Variants in ARHGAP26 observed in about 807,000 individuals in gnomAD.
The protein encoded by ARHGAP26 is Rho GTPase activating protein 26.
Under a neutral mutation model 104.8 loss-of-function variants are expected in ARHGAP26, and 38 were observed. The ratio of observed to expected loss-of-function variants is 0.36; its 90% CI spans 0.28 to 0.48. The LOEUF (loss-of-function observed/expected upper bound fraction) is 0.48. Among genes scored for constraint, ARHGAP26 ranks in the 20% least tolerant of loss-of-function variants. ARHGAP26 has a pLI of 0.99. For missense variants in ARHGAP26, 704 were observed against 947.9 expected (o/e 0.74, Z 3.38); for synonymous variants, 341 against 340.0 (o/e 1.00, Z -0.03).
rs558898279 is a variant in ARHGAP26, at chr5:142,838,194, G to A, written c.155-35206G>A. Among the ~76,000 whole-genome samples the A allele has an allele frequency of 2.0e-5, 3 of 152,036 alleles. No individual in the cohort carries two copies. In the South Asian group the frequency reaches 6.2e-4, roughly 32 times the overall value. The stretch of plus-strand genomic sequence containing the variant: ...AATTGCTTGAACCCAGGAGGCAAAG[G>A]TTGCAGTGAGCTGAGATCCCACCAC... On this transcript the variant is annotated intron_variant, in intron 1 of 22. Transcript: ENST00000645722.
At chr5:142,873,319 A>T in intron 1 of ARHGAP26, 81 bp from the exon 2 acceptor site, 1 of 1,005,538 alleles carries the variant, frequency 9.9e-7, no homozygotes. Flanking sequence ...AGATATTCCT[A>T]GAAGGACCAA....
chr5:143,037,287 G>A, intron 13 of ARHGAP26, 26 bp downstream of exon 13: 1 of 1,564,488 alleles, frequency 6.4e-7, no homozygotes, highest in Non-Finnish European at 8.7e-7. Context: ...AGATGGCATT[G>A]TTCTCATAGA....
chr5:143,032,595 G>A (rs141641273), intron 12 of ARHGAP26, among the ~76,000 whole-genome samples: 1 of 152,332 alleles, frequency 6.6e-6, no homozygotes, highest in East Asian at 1.9e-4. Flanking sequence ...GGTGGTGATA[G>A]TGTTCTAAAC....
intron 20 of ARHGAP26, among the ~76,000 whole-genome samples, chr5:143,151,075 G>A (rs577850336): frequency 2.9e-4 from 44 of 152,224 alleles, no homozygotes; most frequent in African/African-American, 1.0e-3. Context: ...TCAATAATAA[G>A]TAAACAAAGA....
intron 1 of ARHGAP26, among the ~76,000 whole-genome samples, chr5:142,819,075 G>C (rs1765633878): frequency 6.6e-6 from 1 of 152,164 alleles, no homozygotes; most frequent in Non-Finnish European, 1.5e-5. Context: ...GAAGTTTATT[G>C]CTAGGTTACT....
At chr5:142,792,315 C>T (rs779826340) in intron 1 of ARHGAP26, among the ~76,000 whole-genome samples, 1 of 152,184 alleles carries the variant, frequency 6.6e-6, no homozygotes, top group African/African-American at 2.4e-5. Context: ...ATAGTGCCTC[C>T]CATACACCTT....
At chr5:143,126,680 A>G (rs1199710798) in intron 18 of ARHGAP26, among the ~76,000 whole-genome samples, 1 of 152,174 alleles carries the variant, frequency 6.6e-6, no homozygotes, top group Non-Finnish European at 1.5e-5. Flanking sequence ...TCATAGCATC[A>G]TTTCCTATTA....
chr5:142,857,652 A>G (rs973107950), intron 1 of ARHGAP26, among the ~76,000 whole-genome samples: 2 of 152,108 alleles, frequency 1.3e-5, no homozygotes, highest in Non-Finnish European at 2.9e-5. Flanking sequence ...CTAGCAAACA[A>G]TGGCTTAGGG....
At chr5:142,851,664 T>C (rs1751544799) in intron 1 of ARHGAP26, among the ~76,000 whole-genome samples, 1 of 152,188 alleles carries the variant, frequency 6.6e-6, no homozygotes, top group Admixed American at 6.5e-5. Flanking sequence ...TATAATCCTT[T>C]AGGCCCTATG....
chr5:143,212,224 A>G (rs758024912), intron 21 of ARHGAP26, among the ~76,000 whole-genome samples: 26 of 152,182 alleles, frequency 1.7e-4, no homozygotes, highest in Admixed American at 4.6e-4. Flanking sequence ...GCTAATGTGA[A>G]CTGGATTCTC....
chr5:143,102,950 T>G (rs896519650), intron 17 of ARHGAP26, among the ~76,000 whole-genome samples: 2 of 152,162 alleles, frequency 1.3e-5, no homozygotes, highest in African/African-American at 4.8e-5. Context: ...GTTTATATAA[T>G]GCCTCCCAAG....
rs568436788 is a variant in ARHGAP26, at chr5:142,977,975, C to T, written c.1108-36105C>T. 7.1e-4 allele frequency among the ~76,000 whole-genome samples: 108 copies of T among 152,344 alleles called. 1 individual carries two copies. Among genetic ancestry groups the T allele is most frequent in the African/African-American group, 2.6e-3 (106 of 41,562 alleles). ...CCCATGGCTGGGATGGTTGACAGAT[C>T]ACTTGCAAAGCCATGGGAAAAGGAC... is the stretch of plus-strand genomic sequence containing the variant. On this transcript the variant is annotated intron_variant, in intron 11 of 22. Coordinates refer to ENST00000645722, the MANE Select transcript of ARHGAP26 (RefSeq NM_001135608.3).
intron 17 of ARHGAP26, among the ~76,000 whole-genome samples, chr5:143,094,406 C>A (rs1430115659): frequency 1.3e-5 from 2 of 152,128 alleles, no homozygotes; most frequent in African/African-American, 2.4e-5. Flanking sequence ...GTCTTGATTT[C>A]TCACCCCTGA....
intron 5 of ARHGAP26, among the ~76,000 whole-genome samples, chr5:142,890,392 C>A (rs754345051): frequency 7.3e-5 from 11 of 150,740 alleles, no homozygotes; most frequent in Non-Finnish European, 1.2e-4. Context: ...GGAGATCCAG[C>A]AGTTACTCAT....
intron 12 of ARHGAP26, among the ~76,000 whole-genome samples, chr5:143,030,701 C>A (rs185025470): frequency 2.0e-5 from 3 of 152,248 alleles, no homozygotes; most frequent in Non-Finnish European, 4.4e-5. Context: ...TGACACACTG[C>A]CCCTCGGCAA....
At chr5:142,800,620 C>G (rs1158018861) in intron 1 of ARHGAP26, among the ~76,000 whole-genome samples, 6 of 152,292 alleles carry the variant, frequency 3.9e-5, no homozygotes, top group Admixed American at 1.3e-4. Flanking sequence ...ACTCAGCCTC[C>G]CAAAGTGCTG....
At chr5:142,982,875 A>G (rs1359020977) in intron 11 of ARHGAP26, among the ~76,000 whole-genome samples, 1 of 152,196 alleles carries the variant, frequency 6.6e-6, no homozygotes, top group Admixed American at 6.5e-5. Flanking sequence ...CAGGATGGTC[A>G]TCTCTAGGTC....
intron 11 of ARHGAP26, chr5:142,946,830 A>G (rs1246516626): frequency 6.6e-6 from 1 of 152,196 alleles, no homozygotes; most frequent in East Asian, 1.9e-4. Context: ...GTTCCCCAAA[A>G]TCCTGCCCCA....
At chr5:142,980,406 T>A (rs1484764767) in intron 11 of ARHGAP26, among the ~76,000 whole-genome samples, 3 of 43,662 alleles carry the variant, frequency 6.9e-5, no homozygotes, top group Non-Finnish European at 1.4e-4. Context: ...ATTTTATTTT[T>A]GAGATGGAAT....
Sources: allele counts gnomAD v4.1 joint callset (sites outside exome capture counted in the v4.1 genomes callset), GRCh38; gene constraint gnomAD v4.1.1; transcripts MANE v1.5; gene names NCBI Gene and HGNC (gene_info 2026-07-23, HGNC 2026-07-21).